The following TPO variants were observed in gnomAD, a reference collection of about 807,000 sequenced individuals.
TPO encodes the protein thyroid microsomal antigen.
A neutral mutation model predicts 96.9 loss-of-function variants in TPO; 78 were observed. The observed-to-expected ratio is 0.81, with a 90% CI of 0.67 to 0.97. The LOEUF (loss-of-function observed/expected upper bound fraction) is 0.97, where lower values mean the gene tolerates loss of function less well. Among genes scored for constraint, TPO ranks in the 50% least tolerant of loss-of-function variants. TPO has a pLI of 0.00. For synonymous variants in TPO, 547 were observed against 538.0 expected (o/e 1.02, Z -0.23); for missense variants, 1,252 against 1,274.8 (o/e 0.98, Z 0.27).
At chr2:1,374,811 T>G (rs1661696926) in intron 1 of TPO, among the ~76,000 whole-genome samples, 1 of 149,854 alleles carries the variant, frequency 6.7e-6, no homozygotes, top group African/African-American at 2.5e-5. Context: ...CACTGTACCC[T>G]CCGCCTCCTG....
chr2:1,527,129 G>T (rs1216828133), intron 15 of TPO, among the ~76,000 whole-genome samples: 1 of 85,988 alleles, frequency 1.2e-5, no homozygotes, highest in Non-Finnish European at 2.1e-5. Flanking sequence ...TACCCCCACT[G>T]TGTGCAACCT....
At chr2:1,536,249 A>C (rs1449987080) in intron 15 of TPO, among the ~76,000 whole-genome samples, 1 of 3,620 alleles carries the variant, frequency 2.8e-4, no homozygotes, top group Non-Finnish European at 4.7e-4. Flanking sequence ...AAATCCCCCC[A>C]ACTGTTTGGA....
rs186643012 is a variant in TPO, at chr2:1,456,348, A to G, written c.819+66A>G. On this transcript the variant is annotated intron_variant, in intron 7 of 16. Coordinates refer to ENST00000329066, the MANE Select transcript of TPO (RefSeq NM_001206744.2). Reference sequence around the variant, plus strand: ...AGTGCTATTTAAAACGTCAAACAGAATGGTATAAAACAAAATGTGAAAGTC... The same window carrying G: ...AGTGCTATTTAAAACGTCAAACAGAGTGGTATAAAACAAAATGTGAAAGTC... 2.6e-4 allele frequency: 394 copies of G among 1,524,992 alleles called. 2 individuals are homozygous for G. In the African/African-American group the frequency reaches 4.2e-3, roughly 16 times the overall value. 94.5% of individuals were successfully genotyped at this position (1,524,992 alleles called of 1,614,324 possible).
intron 7 of TPO, among the ~76,000 whole-genome samples, chr2:1,460,437 G>T (rs568138986): frequency 4.2e-4 from 64 of 152,278 alleles, no homozygotes; most frequent in African/African-American, 1.5e-3. Flanking sequence ...GTGGAGATGG[G>T]CACCTATTAT....
At chr2:1,386,619 T>C (rs564640298) in intron 1 of TPO, among the ~76,000 whole-genome samples, 1 of 152,186 alleles carries the variant, frequency 6.6e-6, no homozygotes, top group Non-Finnish European at 1.5e-5. Flanking sequence ...GCATGTGAGA[T>C]GGGTTTCCTG....
At chr2:1,439,239 C>G (rs1416938347) in intron 5 of TPO, 1 of 189,686 alleles carries the variant, frequency 5.3e-6, no homozygotes, top group Non-Finnish European at 1.1e-5. Flanking sequence ...GACATTGGCA[C>G]TGGGAGCTGT....
chr2:1,540,913 T>TAGTG, intron 16 of TPO, 190 bp downstream of exon 16: 1 of 1,541,284 alleles, frequency 6.5e-7, no homozygotes, highest in Non-Finnish European at 8.8e-7. Flanking sequence ...TGAGCCTGCT[T>TAGTG]AGTGAGAGGA....
intron 15 of TPO, among the ~76,000 whole-genome samples, chr2:1,540,178 A>G (rs116022734): frequency 0.014 from 2,200 of 152,144 alleles, 45 homozygotes; most frequent in African/African-American, 0.051. Flanking sequence ...CTTCAGGCTC[A>G]GGTTGAAGAT....
At chr2:1,423,826 A>G (rs1233484481) in intron 3 of TPO, among the ~76,000 whole-genome samples, 1 of 152,220 alleles carries the variant, frequency 6.6e-6, no homozygotes, top group Non-Finnish European at 1.5e-5. Flanking sequence ...ACAAATTATT[A>G]TTTATTTTCT....
chr2:1,376,528 C>G (rs779136194), intron 1 of TPO, among the ~76,000 whole-genome samples: 1 of 152,156 alleles, frequency 6.6e-6, no homozygotes, highest in Non-Finnish European at 1.5e-5. Flanking sequence ...TTACACGGGG[C>G]ATTCGCGGGA....
intron 15 of TPO, among the ~76,000 whole-genome samples, chr2:1,539,170 T>A (rs749598858): frequency 1.3e-5 from 2 of 152,152 alleles, no homozygotes; most frequent in African/African-American, 2.4e-5. Flanking sequence ...CAGTTCCGTT[T>A]ACAGTAATGA....
chr2:1,382,533 A>G (rs1244539362), intron 1 of TPO, among the ~76,000 whole-genome samples: 1 of 152,118 alleles, frequency 6.6e-6, no homozygotes, highest in Non-Finnish European at 1.5e-5. Context: ...AAACTAAAGT[A>G]TTTTAGTGAA....
chr2:1,494,085 C>G, intron 11 of TPO, 46 bp downstream of exon 11: 1 of 1,591,530 alleles, frequency 6.3e-7, no homozygotes, highest in Non-Finnish European at 8.6e-7. Context: ...TGCACAGAGG[C>G]AGGTGGTCTG....
chr2:1,421,473 T>C (rs1663519685), intron 2 of TPO, among the ~76,000 whole-genome samples: 6 of 152,162 alleles, frequency 3.9e-5, no homozygotes, highest in Admixed American at 3.9e-4. Context: ...CCAGAGCCCA[T>C]GGCCGTCACC....
chr2:1,476,099 T>A (rs1214068742), intron 7 of TPO, among the ~76,000 whole-genome samples: 1 of 152,192 alleles, frequency 6.6e-6, no homozygotes, highest in African/African-American at 2.4e-5. Flanking sequence ...TCCTTCCTAC[T>A]CCTCAGTGCC....
intron 15 of TPO, among the ~76,000 whole-genome samples, chr2:1,538,880 C>A (rs541420781): frequency 6.6e-6 from 1 of 152,306 alleles, no homozygotes; most frequent in East Asian, 1.9e-4. Context: ...CTTGCACATC[C>A]AGCCTTTGGT....
chr2:1,483,818 C>G (rs1418022959), intron 8 of TPO, among the ~76,000 whole-genome samples: 2 of 152,176 alleles, frequency 1.3e-5, no homozygotes, highest in Non-Finnish European at 2.9e-5. Flanking sequence ...CCTGGTCTCC[C>G]TGAAGGGCCA....
upstream of TPO, among the ~76,000 whole-genome samples, chr2:1,410,908 A>T (rs1040045991): frequency 5.9e-5 from 9 of 152,124 alleles, no homozygotes; most frequent in Admixed American, 2.6e-4. Context: ...TCTCCCCTGC[A>T]ATCTCTCTGC....
chr2:1,411,242 A>C (rs1203846416), upstream of TPO, among the ~76,000 whole-genome samples: 1 of 152,358 alleles, frequency 6.6e-6, no homozygotes, highest in East Asian at 1.9e-4. Flanking sequence ...CACATCATGT[A>C]ATCCAGCTAA....
Sources: gnomAD v4.1 joint callset for allele counts (sites outside exome capture counted in the v4.1 genomes callset) on GRCh38, gnomAD v4.1.1 for gene constraint, MANE v1.5 for transcripts, NCBI Gene and HGNC (gene_info 2026-07-23, HGNC 2026-07-21) for gene names.